PTPRB: variants seen among roughly 807,000 people sequenced by gnomAD.
PTPRB encodes the protein protein tyrosine phosphatase receptor type B.
In PTPRB, 97 loss-of-function variants were observed where a neutral mutation model predicts 238.1. That is an observed-to-expected ratio of 0.41 (90% CI 0.35 to 0.48). PTPRB has a LOEUF of 0.48. Ranked by LOEUF, PTPRB falls within the 20% of genes least tolerant of loss-of-function variation. The pLI, the probability that PTPRB is intolerant of heterozygous loss-of-function variation, is 0.30. For synonymous variants in PTPRB, 970 were observed against 995.4 expected, an observed-to-expected ratio of 0.97 and a Z score of 0.48; for missense variants, 2,292 against 2,681.9, an observed-to-expected ratio of 0.85 and a Z score of 3.21.
chr12:70,599,420 A>G (rs557974840), intron 4 of PTPRB, among the ~76,000 whole-genome samples: 4 of 152,276 alleles, frequency 2.6e-5, no homozygotes, highest in South Asian at 4.1e-4. Context: ...GGTTTTTCCA[A>G]TCATCACACT....
chr12:70,555,976 G>A lies in PTPRB; in HGVS notation c.4887C>T (p.Asn1629=), dbSNP rs1272384332. 6.2e-7 allele frequency: 1 copy of A among 1,613,962 alleles called. No individual in the cohort carries two copies. The highest frequency in any genetic ancestry group is 1.1e-5 in the South Asian group (1 of 91,084). Residue 1629 remains asparagine, a synonymous_variant, in exon 19 of 34, where the codon AAC becomes AAT. Transcript: ENST00000334414. ...TCTTATGGGGCACTAGCATCATGAT[G>A]TTGAGCAGAGATTTTTCTTTCTCCA... is the stretch of plus-strand genomic sequence containing the variant. ...RKLEKEKSLL[N]IMMLVPHKRY... is the part of the protein sequence containing the mutation.
intron 4 of PTPRB, 91 bp downstream of exon 4, chr12:70,608,978 T>C: frequency 6.9e-7 from 1 of 1,452,378 alleles, no homozygotes; most frequent in Non-Finnish European, 9.4e-7. Flanking sequence ...TCATTTTTTG[T>C]ATCCCTGGAA....
intron 15 of PTPRB, among the ~76,000 whole-genome samples, chr12:70,565,676 A>G (rs762009629): frequency 6.6e-6 from 1 of 152,172 alleles, no homozygotes; most frequent in African/African-American, 2.4e-5. Context: ...CAACATAACC[A>G]TCCCCGCCTT....
At chr12:70,566,763 C>T in intron 14 of PTPRB, 59 bp from the exon 15 acceptor site, 3 of 1,548,374 alleles carry the variant, frequency 1.9e-6, no homozygotes, top group Non-Finnish European at 2.6e-6. Flanking sequence ...GTAAAGTCAT[C>T]AATTGAGAAA....
intron 10 of PTPRB, 145 bp from the exon 11 acceptor site, chr12:70,576,790 A>C: frequency 3.4e-6 from 2 of 596,210 alleles, no homozygotes; most frequent in South Asian, 4.1e-5. Context: ...ATAAGAGGTC[A>C]AGGAAGCGTG....
chr12:70,539,951 A>C lies in PTPRB; in HGVS notation c.5666T>G (p.Leu1889Arg). ...RDRPLSVHLN[L>R]GQKGNRKTSC... ...ATGTGGTGCTTACCCTTTCTGGCCCAGGTTTAAGTGGACAGATAATGGTCG... is the reference window on the plus strand; with the variant it reads ...ATGTGGTGCTTACCCTTTCTGGCCCCGGTTTAAGTGGACAGATAATGGTCG... Residue 1889 changes from leucine (L) to arginine (R), a missense_variant, in exon 24 of 34, where the codon CTG (leucine) becomes CGG (arginine). By Grantham distance (102) the Leu-to-Arg change is moderately radical. This residue lies in a region of PTPRB where 397 missense variants were observed against 502.0 expected (regional missense o/e 0.79). Transcript: ENST00000334414. 2 of 1,610,766 alleles carry C rather than the reference A, an allele frequency of 1.2e-6. No homozygotes were observed. Among genetic ancestry groups the C allele is most frequent in the Non-Finnish European group, 1.7e-6 (2 of 1,176,912 alleles).
intron 3 of PTPRB, chr12:70,609,644 G>A (rs7961490): frequency 0.15 from 165,172 of 1,123,468 alleles, 13,266 homozygotes; most frequent in Admixed American, 0.25. Context: ...GGCAGAAGAA[G>A]AAATTTTGCC....
At position 70,566,462 on chromosome 12, in the gene PTPRB, T is replaced by C. The variant is rs113676750; in HGVS notation, c.3877A>G (p.Lys1293Glu). The C allele has an allele frequency of 3.4e-5, 55 of 1,613,822 alleles. No homozygotes were observed. The Admixed American group carries it at 5.2e-4, about 15-fold the overall frequency. ...ILTVSGGLFS[K>E]EAQTEGRTVP... ...GTTCGGCCTTCAGTCTGGGCTTCCT[T>C]GCTAAAGAGGCCTCCACTGACAGTT... Residue 1293 changes from lysine (K) to glutamate (E), a missense_variant, in exon 15 of 34, where the codon AAG (lysine) becomes GAG (glutamate). Around this residue, in one of 4 missense-constraint regions of PTPRB, gnomAD observed 683 missense variants for 862.0 expected, o/e 0.79. Coordinates refer to ENST00000334414, the MANE Select transcript of PTPRB (RefSeq NM_001109754.4).
chr12:70,603,815 C>T (rs947204643), intron 4 of PTPRB, among the ~76,000 whole-genome samples: 3 of 152,084 alleles, frequency 2.0e-5, no homozygotes, highest in South Asian at 2.1e-4. Context: ...CCCAAAATAA[C>T]GTGGCTAGTA....
At chr12:70,586,878 C>A in intron 9 of PTPRB, 129 bp downstream of exon 9, 1 of 906,072 alleles carries the variant, frequency 1.1e-6, no homozygotes, top group South Asian at 1.7e-5. Context: ...AAAACAAACA[C>A]AATAGAAAGG....
chr12:70,632,348 G>A (rs535464326), intron 2 of PTPRB, among the ~76,000 whole-genome samples: 5 of 151,956 alleles, frequency 3.3e-5, no homozygotes, highest in Non-Finnish European at 5.9e-5. Context: ...CAAACACCGC[G>A]TGTACCACTC....
chr12:70,630,964 G>A (rs907421027), intron 2 of PTPRB, among the ~76,000 whole-genome samples: 1 of 152,136 alleles, frequency 6.6e-6, no homozygotes, highest in African/African-American at 2.4e-5. Context: ...CCATGCTCAT[G>A]GATAGGAAGA....
At chr12:70,538,056 C>T (rs1874444886) in intron 28 of PTPRB, 99 bp downstream of exon 28, 2 of 1,003,516 alleles carry the variant, frequency 2.0e-6, no homozygotes, top group Non-Finnish European at 2.9e-6. Flanking sequence ...ACAGGTGTTT[C>T]CAGACCTAAG....
intron 4 of PTPRB, among the ~76,000 whole-genome samples, chr12:70,599,998 T>C (rs1427636144): frequency 6.6e-6 from 1 of 151,648 alleles, no homozygotes; most frequent in Non-Finnish European, 1.5e-5. Context: ...TTTTTAATGT[T>C]ATTTAGAAAG....
chr12:70,606,417 T>C (rs943140666), intron 4 of PTPRB, among the ~76,000 whole-genome samples: 5 of 152,198 alleles, frequency 3.3e-5, no homozygotes, highest in African/African-American at 9.6e-5. Context: ...ATGAAAATAA[T>C]GAGCTATTTT....
intron 2 of PTPRB, among the ~76,000 whole-genome samples, chr12:70,632,100 A>G (rs894924393): frequency 4.6e-5 from 7 of 152,192 alleles, no homozygotes; most frequent in African/African-American, 1.7e-4. Context: ...AGGATTATAA[A>G]TCAAGCTACT....
At chr12:70,625,029 G>A (rs1481528664) in intron 2 of PTPRB, among the ~76,000 whole-genome samples, 1 of 152,090 alleles carries the variant, frequency 6.6e-6, no homozygotes, top group African/African-American at 2.4e-5. Context: ...TCAGTCTTAT[G>A]TCATTATCTT....
Position 70,596,068 on chromosome 12 carries a change from A to G in PTPRB, c.1239T>C (p.Val413=). The G allele has an allele frequency of 6.2e-7, 1 of 1,609,576 alleles. No homozygotes were observed. The highest frequency in any genetic ancestry group is 8.5e-7 in the Non-Finnish European group (1 of 1,176,910). Residue 413 remains valine, a synonymous_variant, in exon 5 of 34, where the codon GTT becomes GTC. Coordinates refer to ENST00000334414, the MANE Select transcript of PTPRB (RefSeq NM_001109754.4). ...TCTTACCTGTTGATCCATTGGTATA[A>G]ACTGAAAAAGAACGTTTTCCTCCAG... ...AVSGGKRSFS[V]YTNGSTVPSP...
Position 70,587,260 on chromosome 12 carries a change from CA to C in PTPRB, c.2057del (p.Leu686ArgfsTer16). ...SERCQGRTVP[L>X]AVLQLRVKHA... ...GTTTGACACGAAGCTGGAGGACAGC[CA>C]GGGGGACTGAGGAAAAAGCAATGGA... On this transcript the variant is annotated frameshift_variant, in exon 9 of 34. Transcript: ENST00000334414. LOFTEE classifies it high-confidence loss of function. The C allele has an allele frequency of 6.2e-7, 1 of 1,613,672 alleles. No homozygotes were observed.
Sources: gnomAD v4.1 joint callset for allele counts (sites outside exome capture counted in the v4.1 genomes callset) on GRCh38, gnomAD v4.1.1 for gene constraint, gnomAD v4.1.1 regional missense constraint, MANE v1.5 for transcripts, NCBI Gene and HGNC (gene_info 2026-07-23, HGNC 2026-07-21) for gene names.